ZNF280D: variants seen among roughly 807,000 people sequenced by gnomAD.
The protein encoded by ZNF280D is zinc finger protein 280D, also known as suppressor of hairy wing homolog 4.
A neutral mutation model predicts 94.7 loss-of-function variants in ZNF280D; 39 were observed. The ratio of observed to expected loss-of-function variants is 0.41; its 90% CI spans 0.32 to 0.54. ZNF280D has a LOEUF of 0.54. Ranked by LOEUF, ZNF280D falls within the 20% of genes least tolerant of loss-of-function variation. The pLI is 0.22. For missense variants in ZNF280D, 1,090 were observed against 1,149.3 expected (o/e 0.95, Z 0.75); for synonymous variants, 398 against 377.6 (o/e 1.05, Z -0.63).
chr15:56,675,771 C>A (rs1170823986), intron 13 of ZNF280D, among the ~76,000 whole-genome samples: 1 of 151,870 alleles, frequency 6.6e-6, no homozygotes, highest in Non-Finnish European at 1.5e-5. Context: ...AAAGTGAGCA[C>A]CAATGCTGAA....
chr15:56,646,871 GC>G (rs1197790222), intron 19 of ZNF280D, among the ~76,000 whole-genome samples: 1 of 152,194 alleles, frequency 6.6e-6, no homozygotes, highest in Non-Finnish European at 1.5e-5. Context: ...AATTAGCAAA[GC>G]AGAGTAAGGA....
chr15:56,726,689 C>G (rs371076913), intron 1 of ZNF280D, among the ~76,000 whole-genome samples: 1 of 152,168 alleles, frequency 6.6e-6, no homozygotes, highest in South Asian at 2.1e-4. Context: ...TAAATCATGA[C>G]TAATGCATTA....
At chr15:56,648,176 T>C (rs2053007779) in intron 19 of ZNF280D, among the ~76,000 whole-genome samples, 1 of 152,162 alleles carries the variant, frequency 6.6e-6, no homozygotes, top group South Asian at 2.1e-4. Context: ...AAACCTTAAC[T>C]GATCTCTCTG....
chr15:56,656,810 A>T (rs527395558), intron 17 of ZNF280D, among the ~76,000 whole-genome samples: 50 of 152,334 alleles, frequency 3.3e-4, no homozygotes, highest in South Asian at 2.1e-4. Flanking sequence ...AAAGTATGTT[A>T]GATGATCTAG....
chr15:56,643,428 T>C (rs1419410655), intron 19 of ZNF280D, among the ~76,000 whole-genome samples: 1 of 151,668 alleles, frequency 6.6e-6, no homozygotes, highest in Non-Finnish European at 1.5e-5. Flanking sequence ...AAATATTTTA[T>C]CTATTGTGAA....
chr15:56,651,867 C>G lies in ZNF280D; in HGVS notation c.2213+2331G>C, dbSNP rs185157640. Reference sequence around the variant, plus strand: ...CCAAGGATATGAAGGATTGACTGTACTCCTACATTACTATATTAACAATGT... The same window carrying G: ...CCAAGGATATGAAGGATTGACTGTAGTCCTACATTACTATATTAACAATGT... On this transcript the variant is annotated intron_variant, in intron 19 of 21. Transcript: ENST00000267807. Among the ~76,000 whole-genome samples, 12 of 152,158 alleles carry G rather than the reference C, an allele frequency of 7.9e-5. No homozygotes were observed. In the East Asian group the frequency reaches 2.3e-3, roughly 29 times the overall value.
intron 1 of ZNF280D, among the ~76,000 whole-genome samples, chr15:56,716,949 C>T (rs890368875): frequency 1.3e-5 from 2 of 152,078 alleles, no homozygotes; most frequent in African/African-American, 4.8e-5. Context: ...TTGATTCTAT[C>T]CTCATAAAGG....
intron 17 of ZNF280D, among the ~76,000 whole-genome samples, chr15:56,658,160 A>G (rs547478304): frequency 6.6e-6 from 1 of 152,306 alleles, no homozygotes; most frequent in South Asian, 2.1e-4. Flanking sequence ...ACAGACAGAA[A>G]GTAGACTAGT....
At chr15:56,709,477 A>C (rs932111600) in intron 1 of ZNF280D, among the ~76,000 whole-genome samples, 14 of 152,178 alleles carry the variant, frequency 9.2e-5, no homozygotes, top group Admixed American at 8.5e-4. Flanking sequence ...TAGTACTAGA[A>C]ATACCATTTG....
intron 17 of ZNF280D, among the ~76,000 whole-genome samples, chr15:56,656,221 G>A (rs2053546765): frequency 1.3e-5 from 2 of 152,130 alleles, no homozygotes; most frequent in Non-Finnish European, 2.9e-5. Flanking sequence ...GCTACTTTAT[G>A]TGCAAGACAG....
At chr15:56,731,108 C>G (rs542928398) in intron 1 of ZNF280D, among the ~76,000 whole-genome samples, 5 of 152,114 alleles carry the variant, frequency 3.3e-5, no homozygotes, top group African/African-American at 9.6e-5. Flanking sequence ...TTAGAGAAAA[C>G]AGAGAGGATA....
At chr15:56,713,037 G>A (rs1204780669) in intron 1 of ZNF280D, among the ~76,000 whole-genome samples, 1 of 152,026 alleles carries the variant, frequency 6.6e-6, no homozygotes, top group Admixed American at 6.6e-5. Context: ...ACCATGCCCG[G>A]TCAAATGGTT....
At position 56,704,138 on chromosome 15, in the gene ZNF280D, G is replaced by A; in HGVS notation, c.158C>T (p.Ser53Leu). Residue 53 changes from serine (S) to leucine (L), a missense_variant, in exon 4 of 22, where the codon TCA (serine) becomes TTA (leucine). Physicochemically the swap from Ser to Leu is moderately radical, Grantham distance 145. This residue lies in a region of ZNF280D where 386 missense variants were observed against 372.0 expected (regional missense o/e 1.04). Transcript: ENST00000267807. The part of the protein sequence containing the change: ...EPIFVGEISS[S>L]KPAISNILNR... ...ATGCTTACTTGAAATTGCTGGTTTTGAACTTGATATCTCGCCAACAAAGAT... is the reference window on the plus strand; with the variant it reads ...ATGCTTACTTGAAATTGCTGGTTTTAAACTTGATATCTCGCCAACAAAGAT... 6.2e-7 allele frequency: 1 copy of A among 1,613,552 alleles called. No homozygotes were observed. The highest frequency in any genetic ancestry group is 8.5e-7 in the Non-Finnish European group (1 of 1,179,876).
At chr15:56,653,340 C>G in intron 19 of ZNF280D, 4 of 1,255,938 alleles carry the variant, frequency 3.2e-6, no homozygotes, top group Non-Finnish European at 4.0e-6. Flanking sequence ...CCAAAGCCCC[C>G]AGTGGGAAGT....
chr15:56,699,762 A>C (rs1183731643), intron 6 of ZNF280D: 2 of 166,622 alleles, frequency 1.2e-5, no homozygotes, highest in African/African-American at 4.8e-5. Context: ...GAGGTACTTT[A>C]TGCACACTAC....
intron 20 of ZNF280D, among the ~76,000 whole-genome samples, chr15:56,638,817 C>T (rs564457566): frequency 2.0e-5 from 3 of 151,556 alleles, no homozygotes; most frequent in South Asian, 2.1e-4. Context: ...AAATAGTATC[C>T]GCAGGAGTTC....
chr15:56,689,618 C>CTTGATATGATCCTTGATATGA, intron 7 of ZNF280D, 148 bp from the exon 8 acceptor site: 1 of 496,658 alleles, frequency 2.0e-6, no homozygotes, highest in South Asian at 5.9e-5. Context: ...ATGATCCAAA[C>CTTGATATGATCCTTGATATGA]TCAAGGGTGT....
intron 6 of ZNF280D, among the ~76,000 whole-genome samples, chr15:56,695,843 T>A (rs1211200328): frequency 6.6e-6 from 1 of 152,152 alleles, no homozygotes; most frequent in Non-Finnish European, 1.5e-5. Context: ...AACATTTTTT[T>A]AGGAAATGTT....
chr15:56,721,323 C>G (rs2058347928), intron 1 of ZNF280D, among the ~76,000 whole-genome samples: 1 of 152,136 alleles, frequency 6.6e-6, no homozygotes, highest in African/African-American at 2.4e-5. Flanking sequence ...TAAATGAGTA[C>G]TGGCTTCAAC....
Sources: allele counts gnomAD v4.1 joint callset (sites outside exome capture counted in the v4.1 genomes callset), GRCh38; gene constraint gnomAD v4.1.1; regional missense constraint gnomAD v4.1.1; transcripts MANE v1.5; gene names NCBI Gene and HGNC (gene_info 2026-07-23, HGNC 2026-07-21).